The following HDAC9 variants were observed in gnomAD, a reference collection of about 807,000 sequenced individuals.
The protein encoded by HDAC9 is histone deacetylase 9.
A neutral mutation model predicts 139.4 loss-of-function variants in HDAC9; 41 were observed. The ratio of observed to expected loss-of-function variants is 0.29; its 90% CI spans 0.23 to 0.38. HDAC9 has a LOEUF of 0.38. HDAC9 is among the 10% of genes least tolerant of loss of function. The pLI is 1.00. For synonymous variants in HDAC9, 517 were observed against 476.2 expected, an observed-to-expected ratio of 1.09 and a Z score of -1.12; for missense variants, 1,147 against 1,297.0, an observed-to-expected ratio of 0.88 and a Z score of 1.78.
chr7:18,967,329 C>G (rs573197161), intron 24 of HDAC9, among the ~76,000 whole-genome samples: 128 of 152,198 alleles, frequency 8.4e-4, no homozygotes, highest in African/African-American at 3.0e-3. Context: ...TTTAAAAGTT[C>G]AGGAGTGACG....
chr7:18,906,731 T>G (rs972523384), intron 22 of HDAC9, among the ~76,000 whole-genome samples: 33 of 152,334 alleles, frequency 2.2e-4, no homozygotes, highest in African/African-American at 6.7e-4. Context: ...TCAACTAACC[T>G]GAGCAGTCTT....
chr7:18,218,593 T>C (rs1584695108), intron 2 of HDAC9, among the ~76,000 whole-genome samples: 2 of 152,122 alleles, frequency 1.3e-5, no homozygotes, highest in African/African-American at 2.4e-5. Context: ...CATTGGGCCA[T>C]CTTGAAAGCT....
intron 23 of HDAC9, among the ~76,000 whole-genome samples, chr7:18,951,301 T>C (rs190397684): frequency 6.6e-6 from 1 of 152,070 alleles, no homozygotes; most frequent in Admixed American, 6.6e-5. Context: ...ATCACAACTT[T>C]CTGAAAATGA....
At chr7:18,127,528 C>A (rs983658990) in intron 1 of HDAC9, among the ~76,000 whole-genome samples, 1 of 152,082 alleles carries the variant, frequency 6.6e-6, no homozygotes, top group Non-Finnish European at 1.5e-5. Flanking sequence ...CTCAGGTAAA[C>A]TTAAACATTA....
At chr7:18,954,327 T>A (rs1267905620) in intron 24 of HDAC9, 97 bp downstream of exon 24, 1 of 941,632 alleles carries the variant, frequency 1.1e-6, no homozygotes, top group African/African-American at 1.7e-5. Flanking sequence ...TTTAGAGTTA[T>A]CATAATTTGC....
rs1414579933 is a variant in HDAC9, at chr7:18,998,791, G to A, written c.*2729G>A. 1 of 152,126 alleles carries A rather than the reference G, an allele frequency of 6.6e-6. No individual in the cohort carries two copies. Among genetic ancestry groups the A allele is most frequent in the Non-Finnish European group, 1.5e-5 (1 of 68,028 alleles). 9.4% of individuals were successfully genotyped at this position (152,126 alleles called of 1,614,324 possible). On this transcript the variant is annotated 3_prime_UTR_variant, in exon 26 of 26. Transcript: ENST00000686413. ...GGAAAATCACATACGCTCTCTCATGGTCTCATGGTATCTCATACAGGGTGA... is the reference window on the plus strand; with the variant it reads ...GGAAAATCACATACGCTCTCTCATGATCTCATGGTATCTCATACAGGGTGA...
chr7:18,853,876 T>C (rs1216857715), intron 21 of HDAC9, among the ~76,000 whole-genome samples: 1 of 152,206 alleles, frequency 6.6e-6, no homozygotes, highest in African/African-American at 2.4e-5. Context: ...ACCTATCTGA[T>C]GACAAACATT....
intron 1 of HDAC9, among the ~76,000 whole-genome samples, chr7:18,311,718 T>TG (rs1799331830): frequency 6.6e-6 from 1 of 152,100 alleles, no homozygotes. Flanking sequence ...ATGAACCAAA[T>TG]GGGGAATGTT....
chr7:18,403,940 A>G (rs566637671), intron 1 of HDAC9, among the ~76,000 whole-genome samples: 8 of 152,340 alleles, frequency 5.3e-5, no homozygotes, highest in Admixed American at 1.3e-4. Flanking sequence ...CTGCAAGCTC[A>G]GACCTGAATG....
chr7:18,443,806 A>G (rs148773655), intron 1 of HDAC9, among the ~76,000 whole-genome samples: 10 of 151,832 alleles, frequency 6.6e-5, no homozygotes, highest in African/African-American at 1.4e-4. Context: ...GTGTGTGTGT[A>G]TATATATACA....
At chr7:18,300,104 C>T (rs982044976) in intron 1 of HDAC9, among the ~76,000 whole-genome samples, 20 of 152,140 alleles carry the variant, frequency 1.3e-4, no homozygotes, top group Non-Finnish European at 8.8e-5. Context: ...CTGTGGCCTG[C>T]GGGCCATGTG....
chr7:18,109,841 T>C (rs568127271), intron 1 of HDAC9, among the ~76,000 whole-genome samples: 1 of 152,290 alleles, frequency 6.6e-6, no homozygotes, highest in African/African-American at 2.4e-5. Context: ...TTAAAATACT[T>C]TTTGTGATTC....
chr7:18,816,531 G>A (rs1287164882), intron 17 of HDAC9, among the ~76,000 whole-genome samples: 1 of 152,184 alleles, frequency 6.6e-6, no homozygotes, highest in Non-Finnish European at 1.5e-5. Flanking sequence ...CTATATCTGA[G>A]CCATTTCTGA....
intron 1 of HDAC9, among the ~76,000 whole-genome samples, chr7:18,484,354 C>G (rs566976603): frequency 6.6e-6 from 1 of 151,342 alleles, no homozygotes; most frequent in Admixed American, 6.6e-5. Context: ...AAGTAAATGT[C>G]TATAGGTATT....
intron 1 of HDAC9, among the ~76,000 whole-genome samples, chr7:18,377,184 C>T (rs1023831287): frequency 6.6e-6 from 1 of 151,994 alleles, no homozygotes; most frequent in African/African-American, 2.4e-5. Context: ...AGACAGTTAC[C>T]TTTTCACATG....
At chr7:18,643,330 A>G (rs1216192668) in intron 8 of HDAC9, among the ~76,000 whole-genome samples, 1 of 152,172 alleles carries the variant, frequency 6.6e-6, no homozygotes, top group African/African-American at 2.4e-5. Flanking sequence ...AGGGCTGCAT[A>G]TAAAGTCAAT....
chr7:18,804,048 C>T (rs960968663), intron 17 of HDAC9, among the ~76,000 whole-genome samples: 4 of 152,100 alleles, frequency 2.6e-5, no homozygotes, highest in Admixed American at 6.6e-5. Flanking sequence ...GATACAAGTT[C>T]ATGTGAAAAT....
intron 17 of HDAC9, among the ~76,000 whole-genome samples, chr7:18,797,142 G>T (rs1415170751): frequency 6.6e-6 from 1 of 152,142 alleles, no homozygotes; most frequent in Non-Finnish European, 1.5e-5. Flanking sequence ...GTAAGTACAG[G>T]ATACTGGCTC....
At chr7:18,388,492 CAG>C (rs1261909213) in intron 1 of HDAC9, among the ~76,000 whole-genome samples, 1 of 152,190 alleles carries the variant, frequency 6.6e-6, no homozygotes, top group Non-Finnish European at 1.5e-5. Context: ...AAATTTTAAT[CAG>C]AGAGTTTGCT....
Sources: gnomAD v4.1 joint callset for allele counts (sites outside exome capture counted in the v4.1 genomes callset) on GRCh38, gnomAD v4.1.1 for gene constraint, MANE v1.5 for transcripts, NCBI Gene and HGNC (gene_info 2026-07-23, HGNC 2026-07-21) for gene names.